ATP6V0A4: variants seen among roughly 807,000 people sequenced by gnomAD.
ATP6V0A4 encodes the protein V-type proton ATPase 116 kDa subunit a 4.
In ATP6V0A4, 86 loss-of-function variants were observed where a neutral mutation model predicts 107.3. The ratio of observed to expected loss-of-function variants is 0.80; its 90% CI spans 0.67 to 0.96. The LOEUF is 0.96. Among genes scored for constraint, ATP6V0A4 ranks in the 40% least tolerant of loss-of-function variants. The pLI, the probability that ATP6V0A4 is intolerant of heterozygous loss-of-function variation, is 0.00. For missense variants in ATP6V0A4, 908 were observed against 1,045.6 expected (o/e 0.87, Z 1.81); for synonymous variants, 353 against 381.4 (o/e 0.93, Z 0.87).
At chr7:138,727,767 G>C (rs1011213500) in intron 18 of ATP6V0A4, among the ~76,000 whole-genome samples, 1 of 152,332 alleles carries the variant, frequency 6.6e-6, no homozygotes, top group African/African-American at 2.4e-5. Flanking sequence ...GGAAAGCAGA[G>C]AACGACCATC....
In ATP6V0A4 at chr7:138,759,768, A is replaced by G. The variant is rs1323697408; in HGVS notation, c.623T>C (p.Leu208Pro). The change falls in exon 8 of 22, where the codon CTG (leucine) becomes CCG (proline). Residue 208 changes from leucine (L) to proline (P), a missense_variant. Coordinates refer to ENST00000310018, the MANE Select transcript of ATP6V0A4 (RefSeq NM_020632.3). The part of the protein sequence containing the change: ...YLKFSEMDAP[L>P]EDPVTKEEIQ... The stretch of plus-strand genomic sequence containing the variant: ...GGTTCCCACCGTCACAGGATCCTCC[A>G]GAGGGGCGTCCATCTCACTGAACTT... 1 of 1,614,208 alleles carries G rather than the reference A, an allele frequency of 6.2e-7. No individual in the cohort carries two copies. Among genetic ancestry groups the G allele is most frequent in the Admixed American group, 1.7e-5 (1 of 60,022 alleles).
intron 20 of ATP6V0A4, among the ~76,000 whole-genome samples, chr7:138,711,547 A>G (rs1224718970): frequency 6.6e-6 from 1 of 152,186 alleles, no homozygotes; most frequent in African/African-American, 2.4e-5. Flanking sequence ...CGGCTATCAG[A>G]ACATGATAAA....
intron 2 of ATP6V0A4, among the ~76,000 whole-genome samples, chr7:138,785,277 TC>T (rs1383755822): frequency 2.3e-5 from 3 of 130,696 alleles, no homozygotes; most frequent in East Asian, 2.3e-4. Context: ...CTTTCTTTTT[TC>T]TTTTTTTTTT....
At position 138,731,381 on chromosome 7, in the gene ATP6V0A4, G is replaced by A. The variant is rs555346313; in HGVS notation, c.1908+1496C>T. Among the ~76,000 whole-genome samples the A allele has an allele frequency of 3.9e-5, 6 of 152,288 alleles. No individual in the cohort carries two copies. In the East Asian group the frequency reaches 1.2e-3, roughly 29 times the overall value. ...CAACAGACAACCTCTGCACTGAAGG[G>A]CAGCTGGCCTTGTGGAACTAGTCAC... On this transcript the variant is annotated intron_variant, in intron 17 of 21. Coordinates refer to ENST00000310018, the MANE Select transcript of ATP6V0A4 (RefSeq NM_020632.3).
At chr7:138,770,060 C>T (rs969376156) in intron 3 of ATP6V0A4, among the ~76,000 whole-genome samples, 1 of 151,592 alleles carries the variant, frequency 6.6e-6, no homozygotes, top group Non-Finnish European at 1.5e-5. Context: ...CAAACAACAA[C>T]AACAAAAAAA....
chr7:138,755,695 T>C lies in ATP6V0A4; in HGVS notation c.810A>G (p.Leu270=). 6.2e-7 allele frequency: 1 copy of C among 1,613,786 alleles called. No individual in the cohort carries two copies. ...LESVNVRLED[L]ITVITQTESH... Reference sequence around the variant, plus strand: ...GCCCAAACCCCTCACTCACGGTGATTAAATCTTCCAGCCTCACATTGACGC... The same window carrying C: ...GCCCAAACCCCTCACTCACGGTGATCAAATCTTCCAGCCTCACATTGACGC... The change falls in exon 10 of 22, where the codon TTA becomes TTG. Residue 270 remains leucine (L), a synonymous_variant. Transcript: ENST00000310018.
chr7:138,721,309 C>T (rs1295765086), intron 19 of ATP6V0A4, among the ~76,000 whole-genome samples: 22 of 152,114 alleles, frequency 1.4e-4, no homozygotes, highest in Admixed American at 1.3e-3. Context: ...GAGGCCGAGG[C>T]AGGCAGATCA....
At chr7:138,753,372 T>C (rs1219001097) in intron 10 of ATP6V0A4, among the ~76,000 whole-genome samples, 6 of 152,154 alleles carry the variant, frequency 3.9e-5, no homozygotes, top group African/African-American at 1.4e-4. Context: ...TCCCTTCAGG[T>C]CTTCCGAGGG....
intron 2 of ATP6V0A4, among the ~76,000 whole-genome samples, chr7:138,781,837 CTCTCTCTT>C (rs760980371): frequency 4.5e-5 from 3 of 67,296 alleles, no homozygotes; most frequent in East Asian, 8.9e-4. Flanking sequence ...CTCTGTCTCT[CTCTCTCTT>C]TTTTTTTTTT....
chr7:138,714,582 A>ACAGC (rs1284400517), intron 20 of ATP6V0A4, among the ~76,000 whole-genome samples: 4 of 142,922 alleles, frequency 2.8e-5, no homozygotes, highest in African/African-American at 7.9e-5. Flanking sequence ...AGACAGACAG[A>ACAGC]CAGGCAGATG....
rs542919905 is a variant in ATP6V0A4 at position 138,721,917 on chromosome 7, G to C, written c.2119C>G (p.Leu707Val). The stretch of plus-strand genomic sequence containing the variant: ...GATACCTCTTCTCCATGGTCGTCCA[G>C]AGCCCCGTGGGTATCTGCAGAAGTC... ...QRTSADTHGA[L>V]DDHGEEFNFG... Residue 707 changes from leucine (L) to valine (V), a missense_variant, in exon 19 of 22, where the codon CTG (leucine) becomes GTG (valine). Transcript: ENST00000310018. 1.2e-6 allele frequency: 2 copies of C among 1,613,974 alleles called. No homozygotes were observed. Among genetic ancestry groups the C allele is most frequent in the African/African-American group, 2.7e-5 (2 of 74,900 alleles).
intron 9 of ATP6V0A4, 27 bp from the exon 10 acceptor site, chr7:138,755,809 C>T (rs1313157154): frequency 6.2e-7 from 1 of 1,608,966 alleles, no homozygotes; most frequent in Admixed American, 1.7e-5. Flanking sequence ...CCAAAGGAAA[C>T]AGGTGAGTTC....
chr7:138,777,331 A>G (rs1264796111), intron 2 of ATP6V0A4, among the ~76,000 whole-genome samples: 1 of 150,798 alleles, frequency 6.6e-6, no homozygotes, highest in African/African-American at 2.4e-5. Context: ...TAAAAATATT[A>G]TGGCCGGGCG....
chr7:138,785,271 C>CT (rs1563021539), intron 2 of ATP6V0A4, among the ~76,000 whole-genome samples: 1 of 134,974 alleles, frequency 7.4e-6, no homozygotes, highest in Non-Finnish European at 1.5e-5. Context: ...TTCTCACTTT[C>CT]TTTTTTCTTT....
rs10429007 is a variant in ATP6V0A4, at chr7:138,714,627, G to A, written c.2257+1137C>T. ...TAGATACAATTGTATTTCTGGGCCT[G>A]GCCTGACTGATCCTGGACTGCTGTG... On this transcript the variant is annotated intron_variant, in intron 20 of 21. Transcript: ENST00000310018. Among the ~76,000 whole-genome samples the A allele has an allele frequency of 1.3e-3, 200 of 152,210 alleles. 1 individual carries two copies. The highest frequency in any genetic ancestry group is 4.7e-3 in the African/African-American group (195 of 41,546).
intron 15 of ATP6V0A4, 107 bp downstream of exon 15, chr7:138,739,433 C>G: frequency 7.3e-7 from 1 of 1,378,540 alleles, no homozygotes; most frequent in Middle Eastern, 1.8e-4. Context: ...TTTATCTCAA[C>G]ACAAGTTTGT....
chr7:138,771,697 G>A (rs930895441), intron 2 of ATP6V0A4, among the ~76,000 whole-genome samples: 1 of 152,146 alleles, frequency 6.6e-6, no homozygotes. Flanking sequence ...ATGACTCACT[G>A]CAGCCTCAAC....
intron 2 of ATP6V0A4, among the ~76,000 whole-genome samples, chr7:138,779,312 C>T (rs1434799607): frequency 6.6e-6 from 1 of 151,316 alleles, no homozygotes; most frequent in Non-Finnish European, 1.5e-5. Context: ...CATGCCACTG[C>T]ACTCCAGCCT....
Position 138,721,974 on chromosome 7 carries a change from T to C in ATP6V0A4, c.2062A>G (p.Ser688Gly). 1 of 1,614,148 alleles carries C rather than the reference T, an allele frequency of 6.2e-7. No individual in the cohort carries two copies. The highest frequency in any genetic ancestry group is 8.5e-7 in the Non-Finnish European group (1 of 1,180,026). Reference sequence around the variant, plus strand: ...CCAGAACGGCTAGAAGGGCTGGAGCTATCACCTTCAATGTTCTCAGTGGCA... The same window carrying C: ...CCAGAACGGCTAGAAGGGCTGGAGCCATCACCTTCAATGTTCTCAGTGGCA... The part of the protein sequence containing the change: ...EDATENIEGD[S>G]SSPSSRSGQR... The change falls in exon 19 of 22, where the codon AGC (serine) becomes GGC (glycine). Residue 688 changes from serine to glycine, a missense_variant. Ser to Gly is a moderately conservative substitution (Grantham distance 56, BLOSUM62 0). Transcript: ENST00000310018.
Sources: gnomAD v4.1 joint callset for allele counts (sites outside exome capture counted in the v4.1 genomes callset) on GRCh38, gnomAD v4.1.1 for gene constraint, MANE v1.5 for transcripts, NCBI Gene and HGNC (gene_info 2026-07-23, HGNC 2026-07-21) for gene names.